The following CPVL variants were observed in gnomAD, a reference collection of about 807,000 sequenced individuals.
CPVL encodes carboxypeptidase vitellogenic like.
A neutral mutation model predicts 63.7 loss-of-function variants in CPVL; 51 were observed. The ratio of observed to expected loss-of-function variants is 0.80; its 90% confidence interval spans 0.64 to 1.01. The LOEUF is 1.01. CPVL is among the 50% of genes least tolerant of loss of function. The pLI is 0.00. For synonymous variants in CPVL, 195 were observed against 206.0 expected (o/e 0.95, Z 0.46); for missense variants, 530 against 573.1 (o/e 0.92, Z 0.77).
intron 1 of CPVL, among the ~76,000 whole-genome samples, chr7:29,126,096 C>T (rs1789989345): frequency 6.6e-6 from 1 of 152,216 alleles, no homozygotes; most frequent in African/African-American, 2.4e-5. Context: ...TCAAAGTACT[C>T]AAAACTTATC....
chr7:29,017,862 G>A (rs952910524), intron 12 of CPVL, among the ~76,000 whole-genome samples: 6 of 152,182 alleles, frequency 3.9e-5, no homozygotes, highest in African/African-American at 1.4e-4. Context: ...AGAATCTCTG[G>A]GCTGTAAGCC....
At chr7:29,164,211 C>G (rs1206797254) in intron 5 of CPVL, among the ~76,000 whole-genome samples, 1 of 152,118 alleles carries the variant, frequency 6.6e-6, no homozygotes. Flanking sequence ...GTCAACTCAC[C>G]GTGATTTAAA....
chr7:29,131,516 C>A (rs1025148659), intron 1 of CPVL, among the ~76,000 whole-genome samples: 8 of 152,114 alleles, frequency 5.3e-5, no homozygotes, highest in African/African-American at 1.7e-4. Flanking sequence ...CACCTCCACT[C>A]TTTGTGTTTT....
intron 1 of CPVL, 86 bp from the exon 2 acceptor site, chr7:29,121,157 CT>C: frequency 1.5e-6 from 2 of 1,304,906 alleles, no homozygotes; most frequent in South Asian, 1.6e-5. Context: ...CATTTATTCA[CT>C]TAAAAAAAAT....
In CPVL at chr7:29,190,872, A is replaced by G. The variant is rs111678263; in HGVS notation, c.-448+4205T>C. On this transcript the variant is annotated intron_variant, in intron 1 of 16. Transcript: ENST00000409850. ...ATTGAACAACATCCACTGAGCACCT[A>G]TTGTATGCAAAGTATGGTAGACAAT... 8.7e-4 allele frequency among the ~76,000 whole-genome samples: 133 copies of G among 152,006 alleles called. 1 individual carries two copies. The highest frequency in any genetic ancestry group is 3.1e-3 in the African/African-American group (127 of 41,466).
At chr7:29,017,020 C>G (rs1184153245) in intron 12 of CPVL, among the ~76,000 whole-genome samples, 1 of 152,206 alleles carries the variant, frequency 6.6e-6, no homozygotes, top group Non-Finnish European at 1.5e-5. Flanking sequence ...TTAAAATGTG[C>G]TTTCAAACCT....
chr7:29,124,345 G>A (rs940663137), intron 1 of CPVL, among the ~76,000 whole-genome samples: 1 of 152,076 alleles, frequency 6.6e-6, no homozygotes, highest in East Asian at 1.9e-4. Flanking sequence ...GCTATTTCCA[G>A]TTCAAACATA....
chr7:29,014,961 T>A (rs1234946111), intron 12 of CPVL, among the ~76,000 whole-genome samples: 4 of 152,208 alleles, frequency 2.6e-5, no homozygotes, highest in Non-Finnish European at 5.9e-5. Flanking sequence ...TGGCTAGCTG[T>A]CTGTCATTCC....
At chr7:29,016,236 A>G (rs904076004) in intron 12 of CPVL, among the ~76,000 whole-genome samples, 5 of 151,956 alleles carry the variant, frequency 3.3e-5, no homozygotes, top group Non-Finnish European at 5.9e-5. Flanking sequence ...CTGTAATCCC[A>G]GCTACTTGGG....
chr7:29,058,644 A>G (rs2128180902), intron 11 of CPVL, among the ~76,000 whole-genome samples: 1 of 152,170 alleles, frequency 6.6e-6, no homozygotes, highest in South Asian at 2.1e-4. Context: ...TTCACTTTTG[A>G]GGAATACTTT....
chr7:29,067,240 T>C (rs2128568818), intron 9 of CPVL, among the ~76,000 whole-genome samples: 1 of 152,212 alleles, frequency 6.6e-6, no homozygotes, highest in East Asian at 1.9e-4. Context: ...AAGGACCAGG[T>C]CCCAAAAGGA....
chr7:29,045,944 A>G (rs1430359072), intron 11 of CPVL, among the ~76,000 whole-genome samples: 1 of 152,202 alleles, frequency 6.6e-6, no homozygotes, highest in East Asian at 1.9e-4. Flanking sequence ...CTGGGTGTTA[A>G]GATTTCAGTC....
chr7:29,083,268 ACAGC>A (rs1784912050), intron 7 of CPVL, among the ~76,000 whole-genome samples: 1 of 152,186 alleles, frequency 6.6e-6, no homozygotes, highest in Non-Finnish European at 1.5e-5. Flanking sequence ...CAGCATCTTT[ACAGC>A]CCTTCCTCTG....
intron 1 of CPVL, among the ~76,000 whole-genome samples, chr7:29,129,628 C>T (rs1790470162): frequency 6.6e-6 from 1 of 152,040 alleles, no homozygotes. Flanking sequence ...GCTACCACTC[C>T]TGGCTAATTT....
intron 9 of CPVL, among the ~76,000 whole-genome samples, chr7:29,068,842 C>A (rs2128571416): frequency 6.6e-6 from 1 of 151,718 alleles, no homozygotes; most frequent in East Asian, 2.0e-4. Context: ...CTACAGGCGC[C>A]CGCCACTACG....
Position 28,995,368 on chromosome 7 carries a change from T to C in CPVL, c.*404A>G, listed in dbSNP as rs1166309219. 1.2e-5 allele frequency: 2 copies of C among 166,890 alleles called. No individual in the cohort carries two copies. The highest frequency in any genetic ancestry group is 4.8e-5 in the African/African-American group (2 of 41,738). 10.3% of individuals were successfully genotyped at this position (166,890 alleles called of 1,614,324 possible). A position where few individuals can be genotyped will look rare whatever the true frequency, so the allele number is the denominator to read the frequency against. On this transcript the variant is annotated 3_prime_UTR_variant, in exon 13 of 13. Transcript: ENST00000265394. ...ATTGAGCTATTCTTATCCAATAATA[T>C]TTCCAAACACCTTCACGGCATGCCA...
chr7:29,131,540 GTT>G (rs970957502), intron 1 of CPVL, among the ~76,000 whole-genome samples: 1 of 151,618 alleles, frequency 6.6e-6, no homozygotes, highest in Non-Finnish European at 1.5e-5. Flanking sequence ...GTTTTGTTTT[GTT>G]TTTTTGAGAC....
At chr7:29,102,652 G>A (rs746825390) in intron 3 of CPVL, among the ~76,000 whole-genome samples, 6 of 152,080 alleles carry the variant, frequency 3.9e-5, no homozygotes, top group Admixed American at 2.0e-4. Context: ...GAAGAGGGTC[G>A]GCCCGCGGGT....
In CPVL at chr7:29,176,511, T is replaced by C. The variant is rs150379673; in HGVS notation, c.-11+4779A>G. Reference sequence around the variant, plus strand: ...GGAAATTAACTGTCAGCTTGAATCCTATACAAATCTAACTTTGATTCCAAA... The same window carrying C: ...GGAAATTAACTGTCAGCTTGAATCCCATACAAATCTAACTTTGATTCCAAA... On this transcript the variant is annotated intron_variant, in intron 5 of 16. Transcript: ENST00000409850. Among the ~76,000 whole-genome samples the C allele has an allele frequency of 4.4e-3, 677 of 152,336 alleles. 5 individuals are homozygous for C. Among genetic ancestry groups the C allele is most frequent in the Middle Eastern group, 0.024 (7 of 294 alleles).
Sources: gnomAD v4.1 joint callset for allele counts (sites outside exome capture counted in the v4.1 genomes callset) on GRCh38, gnomAD v4.1.1 for gene constraint, MANE v1.5 for transcripts, NCBI Gene and HGNC (gene_info 2026-07-23, HGNC 2026-07-21) for gene names.